EPHX2: variants seen among roughly 807,000 people sequenced by gnomAD.
The protein encoded by EPHX2 is bifunctional epoxide hydrolase 2.
Under a neutral mutation model 78.7 loss-of-function variants are expected in EPHX2, and 74 were observed. That is an observed-to-expected ratio of 0.94 (90% CI 0.78 to 1.14). The LOEUF (loss-of-function observed/expected upper bound fraction) is 1.14. EPHX2 is among the 50% of genes most tolerant of loss of function. EPHX2 has a pLI of 0.00. For synonymous variants in EPHX2, 251 were observed against 255.2 expected, an observed-to-expected ratio of 0.98 and a Z score of 0.16; for missense variants, 715 against 702.5, an observed-to-expected ratio of 1.02 and a Z score of -0.20.
At chr8:27,503,456 T>C (rs537187588) in intron 2 of EPHX2, 148 bp from the exon 3 acceptor site, 1 of 990,950 alleles carries the variant, frequency 1.0e-6, no homozygotes, top group South Asian at 1.8e-5. Context: ...CCATGTCTCT[T>C]GGAGAACATA....
intron 1 of EPHX2, among the ~76,000 whole-genome samples, chr8:27,497,462 G>A (rs1422159168): frequency 1.3e-5 from 2 of 152,230 alleles, no homozygotes; most frequent in Non-Finnish European, 2.9e-5. Flanking sequence ...TTGTTTGTGT[G>A]AGGGACATGA....
intron 12 of EPHX2, among the ~76,000 whole-genome samples, chr8:27,529,986 A>C (rs969024694): frequency 4.6e-5 from 7 of 152,140 alleles, no homozygotes; most frequent in Non-Finnish European, 7.4e-5. Context: ...GGAAAAGAAA[A>C]ATTGTAGGCA....
At chr8:27,518,140 G>A (rs892711872) in intron 9 of EPHX2, 68 bp downstream of exon 9, 41 of 1,370,820 alleles carry the variant, frequency 3.0e-5, no homozygotes, top group Non-Finnish European at 3.9e-5. Context: ...CGAAGCTGGG[G>A]TATCCATTCA....
At chr8:27,536,732 AGTTTCCAC>A in intron 12 of EPHX2, 44 bp from the exon 13 acceptor site, 1 of 1,601,860 alleles carries the variant, frequency 6.2e-7, no homozygotes, top group Non-Finnish European at 8.6e-7. Context: ...GGAGGGGTAC[AGTTTCCAC>A]GATTTCTAGG....
downstream of EPHX2, among the ~76,000 whole-genome samples, chr8:27,548,516 G>A (rs558024107): frequency 2.2e-4 from 33 of 152,280 alleles, no homozygotes; most frequent in African/African-American, 7.2e-4. Flanking sequence ...CCCTGAGATC[G>A]GGGGCTGCCT....
At chr8:27,517,980 G>A in intron 8 of EPHX2, 58 bp from the exon 9 acceptor site, 1 of 1,377,218 alleles carries the variant, frequency 7.3e-7, no homozygotes. Flanking sequence ...TCCTTTTGAT[G>A]TGTTGATATA....
In EPHX2 at chr8:27,516,322, C is replaced by T. The variant is rs1252125255; in HGVS notation, c.834C>T (p.Ile278=). ...PESWYSWRYQ[I]PALAQAGYRV... ...GAGTGTGCCTGTTTGTTTTCTAGAT[C>T]CCTGCTCTGGCCCAGGCAGGTTACC... Residue 278 remains isoleucine, a splice_region_variant and synonymous_variant, in exon 8 of 19, where the codon ATC becomes ATT. Transcript: ENST00000521400. 6 of 1,613,680 alleles carry T rather than the reference C, an allele frequency of 3.7e-6. No homozygotes were observed. The Middle Eastern group carries it at 6.6e-4, about 177-fold the overall frequency.
intron 1 of EPHX2, among the ~76,000 whole-genome samples, chr8:27,497,851 A>T (rs1813630592): frequency 6.6e-6 from 1 of 152,202 alleles, no homozygotes; most frequent in African/African-American, 2.4e-5. Context: ...TTGCGACTCC[A>T]GTCCCCATGA....
At position 27,522,507 on chromosome 8, in the gene EPHX2, A is replaced by G. The variant is rs1814686276; in HGVS notation, c.1057A>G (p.Arg353Gly). ...GGCTCTCTTCTACCCCGAGAGAGTGAGGTAATTGGGCCTCGGGCAATAAAG... is the reference window on the plus strand; with the variant it reads ...GGCTCTCTTCTACCCCGAGAGAGTGGGGTAATTGGGCCTCGGGCAATAAAG... Reference protein sequence around the residue: ...YMALFYPERVRAVASLNTPFI... With the variant: ...YMALFYPERVGAVASLNTPFI... Residue 353 changes from arginine (R) to glycine (G), a missense_variant and splice_region_variant, in exon 11 of 19, where the codon AGG becomes GGG. Physicochemically the swap from Arg to Gly is moderately radical, Grantham distance 125. Transcript: ENST00000521400. The G allele has an allele frequency of 1.2e-6, 2 of 1,613,464 alleles. No individual in the cohort carries two copies. The highest frequency in any genetic ancestry group is 2.7e-5 in the African/African-American group (2 of 74,820).
intron 12 of EPHX2, 102 bp downstream of exon 12, chr8:27,525,575 T>C: frequency 9.6e-7 from 1 of 1,037,948 alleles, no homozygotes; most frequent in Non-Finnish European, 1.5e-6. Flanking sequence ...TAATTTTATG[T>C]GGCATTAGTC....
chr8:27,536,818 G>T lies in EPHX2; in HGVS notation c.1205G>T (p.Ser402Ile), dbSNP rs1475656035. Residue 402 changes from serine (S) to isoleucine (I), a missense_variant, in exon 13 of 19, where the codon AGT becomes ATT. Coordinates refer to ENST00000521400, the MANE Select transcript of EPHX2 (RefSeq NM_001979.6). ...VAEAELEQNLSRTFKSLFRAS... is the reference protein window; with the variant it reads ...VAEAELEQNLIRTFKSLFRAS... ...GAGGCTGAACTGGAACAGAACCTGA[G>T]TCGGACTTTCAAAAGCCTCTTCAGA... 14 of 1,601,458 alleles carry T rather than the reference G, an allele frequency of 8.7e-6. No individual in the cohort carries two copies. Among genetic ancestry groups the T allele is most frequent in the Non-Finnish European group, 1.2e-5 (14 of 1,172,008 alleles).
chr8:27,503,704 T>A lies in EPHX2; in HGVS notation c.287T>A (p.Ile96Asn), dbSNP rs747196050. The change falls in exon 3 of 19, where the codon ATT becomes AAT. Residue 96 changes from isoleucine to asparagine, a missense_variant. By Grantham distance (149) the Ile-to-Asn change is moderately radical. Transcript: ENST00000521400. ...FSIKEIFDKA[I>N]SARKINRPML... is the part of the protein sequence containing the mutation. ...ATAAAAGAAATCTTTGACAAGGCGATTTCAGCCAGAAAGATCAACCGCCCC... is the reference window on the plus strand; with the variant it reads ...ATAAAAGAAATCTTTGACAAGGCGAATTCAGCCAGAAAGATCAACCGCCCC... 9.6e-5 allele frequency: 155 copies of A among 1,613,726 alleles called. No homozygotes were observed. The highest frequency in any genetic ancestry group is 1.3e-4 in the Non-Finnish European group (153 of 1,179,988).
chr8:27,506,899 A>T lies in EPHX2; in HGVS notation c.565A>T (p.Asn189Tyr). 3 of 1,614,158 alleles carry T rather than the reference A, an allele frequency of 1.9e-6. No individual in the cohort carries two copies. The highest frequency in any genetic ancestry group is 2.5e-6 in the Non-Finnish European group (3 of 1,180,032). ...EVVFLDDIGA[N>Y]LKPARDLGMV... ...CGTTTTTTTGGATGACATCGGGGCT[A>T]ATCTGAAGCCAGCCCGTGACTTGGG... Residue 189 changes from asparagine to tyrosine, a missense_variant, in exon 5 of 19, where the codon AAT (asparagine) becomes TAT (tyrosine). Asn to Tyr is a moderately radical substitution (Grantham distance 143). Coordinates refer to ENST00000521400, the MANE Select transcript of EPHX2 (RefSeq NM_001979.6).
Position 27,500,939 on chromosome 8 carries a change from G to A in EPHX2, c.115G>A (p.Asp39Asn). 6.2e-7 allele frequency: 1 copy of A among 1,613,174 alleles called. No homozygotes were observed. Among genetic ancestry groups the A allele is most frequent in the Admixed American group, 1.7e-5 (1 of 59,880 alleles). The change falls in exon 2 of 19, where the codon GAT (aspartate) becomes AAT (asparagine). Residue 39 changes from aspartate to asparagine, a missense_variant. By Grantham distance (23) the Asp-to-Asn change is conservative. Transcript: ENST00000521400. ...ALALPRGLLN[D>N]AFQKGGPEGA... ...TGTGTTTTCCAGAGGACTTCTGAAT[G>A]ATGCTTTCCAGAAAGGGGGACCAGA... is the stretch of plus-strand genomic sequence containing the variant.
intron 9 of EPHX2, among the ~76,000 whole-genome samples, chr8:27,518,403 G>T (rs1814534012): frequency 6.6e-6 from 1 of 152,218 alleles, no homozygotes; most frequent in African/African-American, 2.4e-5. Context: ...ATTGAAAAAA[G>T]TCACTTTATT....
chr8:27,538,890 A>AG (rs1325143468), intron 14 of EPHX2, 198 bp downstream of exon 14: 50 of 603,202 alleles, frequency 8.3e-5, no homozygotes, highest in Non-Finnish European at 1.4e-4. Flanking sequence ...CCTACCCTCT[A>AG]GGGAGCTGTG....
intron 12 of EPHX2, among the ~76,000 whole-genome samples, chr8:27,528,041 T>C (rs2132770948): frequency 6.6e-6 from 1 of 152,154 alleles, no homozygotes; most frequent in South Asian, 2.1e-4. Flanking sequence ...TTCTGTGCGC[T>C]ATGGGGAGTC....
intron 15 of EPHX2, among the ~76,000 whole-genome samples, chr8:27,541,215 T>C (rs1815389029): frequency 6.6e-6 from 1 of 152,160 alleles, no homozygotes; most frequent in African/African-American, 2.4e-5. Flanking sequence ...AGGGCCGGCT[T>C]CTTTGTGTCC....
intron 8 of EPHX2, 142 bp from the exon 9 acceptor site, chr8:27,517,896 C>CA: frequency 1.5e-6 from 1 of 664,400 alleles, no homozygotes; most frequent in South Asian, 1.8e-5. Flanking sequence ...GAGTCTACCT[C>CA]AGTCTAAGGA....
Sources: gnomAD v4.1 joint callset for allele counts (sites outside exome capture counted in the v4.1 genomes callset) on GRCh38, gnomAD v4.1.1 for gene constraint, MANE v1.5 for transcripts, NCBI Gene and HGNC (gene_info 2026-07-23, HGNC 2026-07-21) for gene names.